Variants in CNBD1 observed in about 807,000 individuals in gnomAD.
The protein encoded by CNBD1 is cyclic nucleotide-binding domain-containing protein 1.
Under a neutral mutation model 54.4 loss-of-function variants are expected in CNBD1, and 71 were observed. The observed-to-expected ratio is 1.30, with a 90% CI of 1.08 to 1.59. CNBD1 has a LOEUF of 1.59. Ranked by LOEUF, CNBD1 falls within the 40% of genes most tolerant of loss-of-function variation. CNBD1 has a pLI of 0.00. For missense variants in CNBD1, 659 were observed against 518.0 expected (o/e 1.27, Z -2.64); for synonymous variants, 182 against 170.7 (o/e 1.07, Z -0.51).
chr8:87,374,743 CA>C (rs561366432), intron 10 of CNBD1, among the ~76,000 whole-genome samples: 1 of 151,752 alleles, frequency 6.6e-6, no homozygotes. Flanking sequence ...TCAAGTACTC[CA>C]AAATAGCAGC....
intron 6 of CNBD1, among the ~76,000 whole-genome samples, chr8:87,257,132 G>T (rs1290401809): frequency 6.6e-6 from 1 of 152,058 alleles, no homozygotes; most frequent in African/African-American, 2.4e-5. Context: ...CGCTTTGGGA[G>T]ACTGAGGTGG....
chr8:87,199,858 T>C (rs1416816101), intron 4 of CNBD1, among the ~76,000 whole-genome samples: 3 of 152,170 alleles, frequency 2.0e-5, no homozygotes, highest in Non-Finnish European at 4.4e-5. Context: ...AAATAATTAA[T>C]GTAAATAACA....
intron 4 of CNBD1, among the ~76,000 whole-genome samples, chr8:87,020,523 T>C (rs972590646): frequency 6.6e-6 from 1 of 151,488 alleles, no homozygotes; most frequent in Non-Finnish European, 1.5e-5. Context: ...ACTAAGCTCT[T>C]ATTTTTTTTA....
intron 4 of CNBD1, among the ~76,000 whole-genome samples, chr8:87,130,617 A>T (rs531331104): frequency 6.6e-6 from 1 of 152,074 alleles, no homozygotes; most frequent in South Asian, 2.1e-4. Context: ...TCTTTACAAA[A>T]AATACAACAA....
chr8:86,939,507 C>T (rs959738365), intron 3 of CNBD1, 89 bp from the exon 4 acceptor site: 3 of 849,416 alleles, frequency 3.5e-6, no homozygotes, highest in African/African-American at 3.5e-5. Flanking sequence ...CAAAACAGTG[C>T]ATTTATACTC....
intron 3 of CNBD1, among the ~76,000 whole-genome samples, chr8:86,928,194 A>G (rs1243548923): frequency 6.6e-6 from 1 of 152,140 alleles, no homozygotes; most frequent in African/African-American, 2.4e-5. Flanking sequence ...AAGAAGTTAT[A>G]TCCTTGACCA....
At chr8:87,127,252 T>A (rs1796365129) in intron 4 of CNBD1, among the ~76,000 whole-genome samples, 1 of 152,066 alleles carries the variant, frequency 6.6e-6, no homozygotes, top group African/African-American at 2.4e-5. Flanking sequence ...TTTGGGAGAA[T>A]TGAAATATTA....
chr8:87,114,482 C>T (rs1208081192), intron 4 of CNBD1, among the ~76,000 whole-genome samples: 1 of 152,126 alleles, frequency 6.6e-6, no homozygotes, highest in Non-Finnish European at 1.5e-5. Context: ...TTCCAGGTAG[C>T]TGGGTTTACA....
chr8:87,009,922 T>G (rs1426745729), intron 4 of CNBD1, among the ~76,000 whole-genome samples: 2 of 152,200 alleles, frequency 1.3e-5, no homozygotes, highest in African/African-American at 4.8e-5. Context: ...TTGCTGCTGC[T>G]TCTCTTTCTT....
intron 2 of CNBD1, among the ~76,000 whole-genome samples, chr8:86,904,676 G>A (rs770691765): frequency 2.6e-5 from 4 of 151,952 alleles, no homozygotes; most frequent in African/African-American, 4.8e-5. Context: ...AAAAAATACT[G>A]CCTGCGATTT....
At chr8:86,883,633 C>T (rs1808635796) in intron 1 of CNBD1, among the ~76,000 whole-genome samples, 1 of 151,978 alleles carries the variant, frequency 6.6e-6, no homozygotes, top group Non-Finnish European at 1.5e-5. Context: ...TATCAAACAT[C>T]ACACAGGGCG....
chr8:87,377,412 T>A (rs551483779), intron 10 of CNBD1, among the ~76,000 whole-genome samples: 1 of 151,704 alleles, frequency 6.6e-6, no homozygotes, highest in Non-Finnish European at 1.5e-5. Context: ...GTTTGGTTTT[T>A]TGTTCTTGCG....
chr8:87,080,115 A>G (rs985506736), intron 4 of CNBD1, among the ~76,000 whole-genome samples: 5 of 152,166 alleles, frequency 3.3e-5, no homozygotes, highest in Admixed American at 2.0e-4. Context: ...AAATCAATTG[A>G]GCCTACATTT....
chr8:87,255,671 G>A (rs1807995076), intron 6 of CNBD1, among the ~76,000 whole-genome samples: 1 of 151,522 alleles, frequency 6.6e-6, no homozygotes, highest in Non-Finnish European at 1.5e-5. Context: ...AGTTAACAAA[G>A]GACAGGAATT....
chr8:87,191,126 G>GA (rs972222199), intron 4 of CNBD1, among the ~76,000 whole-genome samples: 2 of 151,792 alleles, frequency 1.3e-5, no homozygotes, highest in African/African-American at 2.4e-5. Flanking sequence ...GTCCAAATCT[G>GA]AAAACCTCAA....
rs890437333 is a variant in CNBD1, at chr8:87,352,538, C to G, written c.1152+744C>G. The stretch of plus-strand genomic sequence containing the variant: ...CAAACTAAAAACTGGAAGTAGTCCA[C>G]GTATCCACTGACAGTTGAATGAATA... On this transcript the variant is annotated intron_variant, in intron 9 of 10. Coordinates refer to ENST00000518476, the MANE Select transcript of CNBD1 (RefSeq NM_173538.3). Among the ~76,000 whole-genome samples the G allele has an allele frequency of 2.0e-5, 3 of 150,176 alleles. No homozygotes were observed. The South Asian group carries it at 6.3e-4, about 31-fold the overall frequency.
chr8:86,984,029 G>A (rs1305613935), intron 4 of CNBD1, among the ~76,000 whole-genome samples: 1 of 152,172 alleles, frequency 6.6e-6, no homozygotes, highest in Non-Finnish European at 1.5e-5. Flanking sequence ...CAGGCTCAGA[G>A]GACTAGGAGA....
intron 10 of CNBD1, among the ~76,000 whole-genome samples, chr8:87,367,723 C>A (rs1178112030): frequency 6.6e-6 from 1 of 152,046 alleles, no homozygotes; most frequent in Non-Finnish European, 1.5e-5. Context: ...TTTTGTGGAT[C>A]AGGAGAATAA....
chr8:86,890,435 G>A (rs1161400334), intron 2 of CNBD1, among the ~76,000 whole-genome samples: 3 of 152,024 alleles, frequency 2.0e-5, no homozygotes, highest in African/African-American at 4.8e-5. Context: ...TTTTAAGACC[G>A]AACAGTATTC....
Sources: gnomAD v4.1 joint callset for allele counts (sites outside exome capture counted in the v4.1 genomes callset) on GRCh38, gnomAD v4.1.1 for gene constraint, MANE v1.5 for transcripts, NCBI Gene and HGNC (gene_info 2026-07-23, HGNC 2026-07-21) for gene names.